SNTG1: variants seen among roughly 807,000 people sequenced by gnomAD.
SNTG1 encodes the protein syntrophin gamma 1.
In SNTG1, 39 loss-of-function variants were observed where a neutral mutation model predicts 74.7. The ratio of observed to expected loss-of-function variants is 0.52; its 90% CI spans 0.40 to 0.68. The LOEUF is 0.68. Ranked by LOEUF, SNTG1 falls within the 30% of genes least tolerant of loss-of-function variation. SNTG1 has a pLI of 0.00. For synonymous variants in SNTG1, 254 were observed against 217.1 expected (o/e 1.17, Z -1.49); for missense variants, 685 against 609.5 (o/e 1.12, Z -1.30).
At chr8:50,508,072 C>T (rs2094025510) in intron 9 of SNTG1, among the ~76,000 whole-genome samples, 1 of 152,102 alleles carries the variant, frequency 6.6e-6, no homozygotes, top group South Asian at 2.1e-4. Context: ...TCCCCACTCC[C>T]CACTCCCCTC....
At chr8:50,043,605 C>T (rs1260855325) in intron 1 of SNTG1, among the ~76,000 whole-genome samples, 2 of 152,156 alleles carry the variant, frequency 1.3e-5, no homozygotes, top group Non-Finnish European at 2.9e-5. Flanking sequence ...CTATGCGTTC[C>T]TGCAATTAAG....
intron 17 of SNTG1, among the ~76,000 whole-genome samples, chr8:50,745,754 T>G (rs893934268): frequency 2.0e-5 from 3 of 151,930 alleles, no homozygotes; most frequent in Admixed American, 1.3e-4. Context: ...TTACGTTAAG[T>G]GAAATAAGCC....
At chr8:50,490,982 T>C (rs2068237) in intron 8 of SNTG1, 2,087 of 153,490 alleles carry the variant, frequency 0.014, 67 homozygotes, top group East Asian at 0.08. Context: ...ATCAATCATG[T>C]CTACATTGCT....
At chr8:50,106,878 T>C (rs1370382160) in intron 1 of SNTG1, among the ~76,000 whole-genome samples, 1 of 152,174 alleles carries the variant, frequency 6.6e-6, no homozygotes, top group African/African-American at 2.4e-5. Context: ...TATGTATATC[T>C]GAAAATCATT....
At chr8:50,004,491 G>A (rs1207315272) in intron 1 of SNTG1, among the ~76,000 whole-genome samples, 1 of 152,158 alleles carries the variant, frequency 6.6e-6, no homozygotes, top group East Asian at 1.9e-4. Flanking sequence ...ACCCAGCGTT[G>A]TGCTTGCTCA....
intron 12 of SNTG1, among the ~76,000 whole-genome samples, chr8:50,561,849 AG>A (rs1199276503): frequency 6.6e-6 from 1 of 152,176 alleles, no homozygotes; most frequent in Admixed American, 6.5e-5. Flanking sequence ...ATTCAGTACT[AG>A]GTGTCTAGAA....
intron 1 of SNTG1, among the ~76,000 whole-genome samples, chr8:49,997,697 G>T (rs1305620985): frequency 6.6e-6 from 1 of 151,916 alleles, no homozygotes; most frequent in Admixed American, 6.6e-5. Flanking sequence ...CTTGTGTCCT[G>T]GTTTTCCTAC....
At chr8:50,133,750 T>C (rs1041483021) in intron 1 of SNTG1, among the ~76,000 whole-genome samples, 1 of 152,164 alleles carries the variant, frequency 6.6e-6, no homozygotes, top group Non-Finnish European at 1.5e-5. Context: ...AGAATATAAG[T>C]CATGTTGGAT....
intron 1 of SNTG1, among the ~76,000 whole-genome samples, chr8:50,112,738 G>A (rs2080648568): frequency 6.6e-6 from 1 of 151,898 alleles, no homozygotes; most frequent in Non-Finnish European, 1.5e-5. Context: ...GGCCAGGCTG[G>A]TCTCAAGTGA....
At chr8:50,583,988 G>C (rs143617207) in intron 12 of SNTG1, among the ~76,000 whole-genome samples, 4,764 of 151,930 alleles carry the variant, frequency 0.031, 119 homozygotes, top group African/African-American at 0.057. Context: ...TGTTCTCATT[G>C]TTCAATTCCC....
At chr8:50,716,463 A>C (rs983274622) in intron 17 of SNTG1, among the ~76,000 whole-genome samples, 1 of 151,996 alleles carries the variant, frequency 6.6e-6, no homozygotes, top group Non-Finnish European at 1.5e-5. Flanking sequence ...TGTTTGATGT[A>C]ATTTTTATGT....
chr8:50,622,265 TAA>T (rs768992684), intron 13 of SNTG1, among the ~76,000 whole-genome samples: 9 of 152,216 alleles, frequency 5.9e-5, no homozygotes, highest in Non-Finnish European at 1.3e-4. Context: ...TGGAAAATAA[TAA>T]GTGTTTAGTA....
intron 2 of SNTG1, among the ~76,000 whole-genome samples, chr8:50,248,769 G>A (rs2086513335): frequency 6.6e-6 from 1 of 152,166 alleles, no homozygotes; most frequent in East Asian, 1.9e-4. Context: ...AATAAAGATG[G>A]TGGTGCTGCT....
At chr8:50,570,904 C>A (rs1374030916) in intron 12 of SNTG1, among the ~76,000 whole-genome samples, 10 of 151,916 alleles carry the variant, frequency 6.6e-5, no homozygotes, top group Admixed American at 4.6e-4. Flanking sequence ...ACACCTCTGG[C>A]TCTTATTTTT....
At chr8:49,942,694 A>G (rs1808807238) in intron 1 of SNTG1, among the ~76,000 whole-genome samples, 1 of 152,064 alleles carries the variant, frequency 6.6e-6, no homozygotes, top group African/African-American at 2.4e-5. Flanking sequence ...ATGTCCCTAT[A>G]TTGGGGTTTC....
chr8:50,429,402 A>G (rs1344125449), intron 4 of SNTG1, among the ~76,000 whole-genome samples: 2 of 152,168 alleles, frequency 1.3e-5, no homozygotes, highest in Admixed American at 1.3e-4. Context: ...CTTTTCAACA[A>G]ATGGTTCTGG....
intron 18 of SNTG1, among the ~76,000 whole-genome samples, chr8:50,780,649 A>C (rs2095656413): frequency 6.6e-6 from 1 of 152,156 alleles, no homozygotes; most frequent in Non-Finnish European, 1.5e-5. Flanking sequence ...CTTTTCAAAA[A>C]ACCAGCTCCT....
chr8:50,395,465 TC>T (rs2092715122), intron 3 of SNTG1, among the ~76,000 whole-genome samples: 1 of 151,392 alleles, frequency 6.6e-6, no homozygotes, highest in South Asian at 2.1e-4. Context: ...GAATTAATGT[TC>T]TAGAAGCTTT....
chr8:50,563,929 A>T (rs952037453), intron 12 of SNTG1, among the ~76,000 whole-genome samples: 1 of 152,162 alleles, frequency 6.6e-6, no homozygotes, highest in Non-Finnish European at 1.5e-5. Context: ...TAGCAATTAA[A>T]TTTTTTGACA....
Sources: gnomAD v4.1 joint callset for allele counts (sites outside exome capture counted in the v4.1 genomes callset) on GRCh38, gnomAD v4.1.1 for gene constraint, MANE v1.5 for transcripts, NCBI Gene and HGNC (gene_info 2026-07-23, HGNC 2026-07-21) for gene names.